TRMT11: variants seen among roughly 807,000 people sequenced by gnomAD.
The protein encoded by TRMT11 is tRNA methyltransferase 11, also known as tRNA (guanine(10)-N(2))-methyltransferase TRMT11.
A neutral mutation model predicts 62.8 loss-of-function variants in TRMT11; 53 were observed. That is an observed-to-expected ratio of 0.84 (90% CI 0.68 to 1.06). The LOEUF is 1.06. Among genes scored for constraint, TRMT11 ranks in the 50% least tolerant of loss-of-function variants. The pLI, the probability that TRMT11 is intolerant of heterozygous loss-of-function variation, is 0.00. For missense variants in TRMT11, 556 were observed against 553.4 expected (o/e 1.00, Z -0.05); for synonymous variants, 188 against 190.3 (o/e 0.99, Z 0.10).
chr6:126,257,617 AT>A, the TRMT11 span, among the ~76,000 whole-genome samples: 1 of 152,170 alleles, frequency 6.6e-6, no homozygotes, highest in African/African-American at 2.4e-5. Context: ...CAGTGAAGTT[AT>A]CAGATCCTTG....
chr6:126,188,386 C>T (rs1778551005), intron 1 of TRMT11, among the ~76,000 whole-genome samples: 1 of 151,864 alleles, frequency 6.6e-6, no homozygotes, highest in South Asian at 2.1e-4. Context: ...AAAATGGATT[C>T]AACATCATAG....
chr6:126,046,310 G>A (rs1330937634), intron 16 of TRMT11, among the ~76,000 whole-genome samples: 3 of 152,188 alleles, frequency 2.0e-5, no homozygotes, highest in Non-Finnish European at 4.4e-5. Flanking sequence ...AAGACCATGT[G>A]TCCATGGTTA....
In TRMT11 at chr6:126,024,241, A is replaced by G. The variant is rs180786961; in HGVS notation, c.1260+2961A>G. On this transcript the variant is annotated intron_variant, in intron 12 of 12. Coordinates refer to ENST00000334379, the MANE Select transcript of TRMT11 (RefSeq NM_001031712.3). ...GGTGTGCTTGGGCTGGCATAACCAA[A>G]TACCACAGACTGGGCAACTTAACAG... 1.5e-3 allele frequency among the ~76,000 whole-genome samples: 225 copies of G among 152,344 alleles called. 1 individual carries two copies. The highest frequency in any genetic ancestry group is 4.1e-3 in the African/African-American group (172 of 41,588).
chr6:126,093,842 AT>A (rs1777310644), intron 17 of TRMT11, among the ~76,000 whole-genome samples: 1 of 151,730 alleles, frequency 6.6e-6, no homozygotes, highest in African/African-American at 2.4e-5. Flanking sequence ...AGGGAATAAG[AT>A]TAGCCTATAA....
chr6:126,226,522 T>C, the TRMT11 span, among the ~76,000 whole-genome samples: 18 of 152,310 alleles, frequency 1.2e-4, no homozygotes, highest in East Asian at 3.3e-3. Context: ...CAAGTACAGA[T>C]GAATTATAAT....
intron 16 of TRMT11, among the ~76,000 whole-genome samples, chr6:126,047,541 G>A (rs544024664): frequency 6.6e-6 from 1 of 152,168 alleles, no homozygotes; most frequent in East Asian, 1.9e-4. Flanking sequence ...GTTTGTGTGT[G>A]ACCTGATTCT....
intron 21 of TRMT11, among the ~76,000 whole-genome samples, chr6:126,171,360 G>A (rs1778328321): frequency 6.6e-6 from 1 of 151,932 alleles, no homozygotes. Flanking sequence ...TATCCTAAGA[G>A]TCTTGGGGGT....
At chr6:126,059,393 T>C (rs1342777967) in intron 17 of TRMT11, among the ~76,000 whole-genome samples, 1 of 152,162 alleles carries the variant, frequency 6.6e-6, no homozygotes, top group African/African-American at 2.4e-5. Flanking sequence ...CTGATATACT[T>C]TGGACTGGGC....
chr6:126,108,814 T>A (rs2128185692), intron 17 of TRMT11, among the ~76,000 whole-genome samples: 1 of 152,312 alleles, frequency 6.6e-6, no homozygotes, highest in East Asian at 1.9e-4. Context: ...GGCTCTTGAA[T>A]TTAATTGGCT....
chr6:126,127,463 ATT>A (rs1206364472), intron 21 of TRMT11, among the ~76,000 whole-genome samples: 1 of 151,868 alleles, frequency 6.6e-6, no homozygotes, highest in Non-Finnish European at 1.5e-5. Flanking sequence ...TCTCTTTTTT[ATT>A]TAAAGAAGAG....
intron 17 of TRMT11, among the ~76,000 whole-genome samples, chr6:126,075,016 A>T (rs1473706858): frequency 1.3e-5 from 2 of 152,218 alleles, no homozygotes; most frequent in Non-Finnish European, 2.9e-5. Flanking sequence ...AAAAGTTCTC[A>T]TAAGACCTCA....
chr6:126,052,180 G>A (rs946410367), intron 16 of TRMT11, among the ~76,000 whole-genome samples: 1 of 152,172 alleles, frequency 6.6e-6, no homozygotes, highest in African/African-American at 2.4e-5. Context: ...AAACTGGATG[G>A]GTGGACGTGC....
At chr6:126,202,816 T>A (rs572451792), downstream of TRMT11, among the ~76,000 whole-genome samples, 1 of 152,348 alleles carries the variant, frequency 6.6e-6, no homozygotes, top group Non-Finnish European at 1.5e-5. Flanking sequence ...GGGGGCGTCA[T>A]CTTTGCTGGG....
chr6:126,021,799 C>G (rs1351640701), intron 12 of TRMT11, among the ~76,000 whole-genome samples: 1 of 152,182 alleles, frequency 6.6e-6, no homozygotes, highest in South Asian at 2.1e-4. Context: ...TTCATACTCT[C>G]TTACATACAA....
chr6:126,053,450 A>G (rs868813640), intron 17 of TRMT11, among the ~76,000 whole-genome samples: 11 of 152,182 alleles, frequency 7.2e-5, no homozygotes, highest in African/African-American at 2.7e-4. Flanking sequence ...CCTCTTTTAT[A>G]CAGCTTTTAT....
At chr6:126,195,869 C>T (rs1330169810) in intron 1 of TRMT11, among the ~76,000 whole-genome samples, 1 of 152,064 alleles carries the variant, frequency 6.6e-6, no homozygotes, top group South Asian at 2.1e-4. Flanking sequence ...GAGATGGCCT[C>T]TTTCTTTCTT....
chr6:126,023,250 A>G (rs985487256), intron 12 of TRMT11, among the ~76,000 whole-genome samples: 1 of 152,200 alleles, frequency 6.6e-6, no homozygotes, highest in African/African-American at 2.4e-5. Context: ...CTAGAATGAA[A>G]ATTTTAAATG....
chr6:126,144,496 A>G (rs1777953443), intron 21 of TRMT11, among the ~76,000 whole-genome samples: 1 of 152,190 alleles, frequency 6.6e-6, no homozygotes, highest in African/African-American at 2.4e-5. Context: ...ATGAGGGTGC[A>G]GGAAGCAGTT....
At chr6:126,193,488 G>GTT (rs1778627491) in intron 1 of TRMT11, among the ~76,000 whole-genome samples, 6 of 118,130 alleles carry the variant, frequency 5.1e-5, no homozygotes, top group African/African-American at 2.2e-4. Context: ...GAGCGTTTCT[G>GTT]TATTTTTTTT....
Sources: allele counts gnomAD v4.1 joint callset (sites outside exome capture counted in the v4.1 genomes callset), GRCh38; gene constraint gnomAD v4.1.1; transcripts MANE v1.5; gene names NCBI Gene and HGNC (gene_info 2026-07-23, HGNC 2026-07-21).